The following OR51B5 variants were observed in gnomAD, a reference collection of about 807,000 sequenced individuals.
The protein encoded by OR51B5 is olfactory receptor 51B5.
For synonymous variants in OR51B5, 186 were observed against 144.8 expected, an observed-to-expected ratio of 1.28 and a Z score of -2.04; for missense variants, 456 against 374.6, an observed-to-expected ratio of 1.22 and a Z score of -1.79.
At chr11:5,357,177 G>T (rs372293763) in intron 1 of OR51B5, among the ~76,000 whole-genome samples, 108 of 151,958 alleles carry the variant, frequency 7.1e-4, no homozygotes, top group Admixed American at 4.2e-3. Context: ...AGACACAGAC[G>T]GGCAAATTAG....
chr11:5,435,497 CTG>C (rs1431974552), intron 1 of OR51B5, among the ~76,000 whole-genome samples: 1 of 93,624 alleles, frequency 1.1e-5, no homozygotes, highest in East Asian at 2.5e-4. Context: ...ATGATATTGA[CTG>C]TTTTTGTTTG....
At chr11:5,484,491 C>A (rs77094111) in intron 1 of OR51B5, among the ~76,000 whole-genome samples, 4,682 of 152,214 alleles carry the variant, frequency 0.031, 227 homozygotes, top group African/African-American at 0.11. Context: ...TAGACTCTGT[C>A]GTCCAAGCTT....
At chr11:5,399,639 A>G (rs780758631) in intron 1 of OR51B5, among the ~76,000 whole-genome samples, 8 of 152,184 alleles carry the variant, frequency 5.3e-5, no homozygotes, top group Non-Finnish European at 8.8e-5. Context: ...GTAACCTTTC[A>G]AGCTAAAATG....
At chr11:5,353,698 A>T (rs1245556602) in intron 1 of OR51B5, among the ~76,000 whole-genome samples, 1 of 152,210 alleles carries the variant, frequency 6.6e-6, no homozygotes, top group Non-Finnish European at 1.5e-5. Flanking sequence ...ACAGGGTATG[A>T]TGTGCTTGGA....
At chr11:5,477,755 G>A (rs454814) in intron 1 of OR51B5, among the ~76,000 whole-genome samples, 17,682 of 152,074 alleles carry the variant, frequency 0.12, 1,107 homozygotes, top group East Asian at 0.21. Flanking sequence ...GGTGACGGAC[G>A]CACCTGGAAA....
upstream of OR51B5, among the ~76,000 whole-genome samples, chr11:5,344,204 AAT>A (rs1179980462): frequency 6.6e-6 from 1 of 152,206 alleles, no homozygotes. Context: ...TACTTGTGAC[AAT>A]AGCTCAGTCT....
chr11:5,418,535 A>G (rs1011203888), intron 1 of OR51B5, among the ~76,000 whole-genome samples: 1 of 152,106 alleles, frequency 6.6e-6, no homozygotes, highest in Non-Finnish European at 1.5e-5. Flanking sequence ...TACACCATGG[A>G]ATACTACGCC....
chr11:5,457,938 C>G (rs1303349657), intron 1 of OR51B5, among the ~76,000 whole-genome samples: 1 of 152,140 alleles, frequency 6.6e-6, no homozygotes, highest in East Asian at 1.9e-4. Flanking sequence ...TTGATAGCTT[C>G]TTTTGCTGTG....
intron 1 of OR51B5, among the ~76,000 whole-genome samples, chr11:5,485,143 A>G (rs1221928482): frequency 2.6e-5 from 4 of 152,318 alleles, no homozygotes; most frequent in Admixed American, 1.3e-4. Context: ...GATGGAAGGT[A>G]GATCTCTGCT....
chr11:5,378,167 A>G (rs566082309), intron 1 of OR51B5, among the ~76,000 whole-genome samples: 10 of 152,052 alleles, frequency 6.6e-5, no homozygotes, highest in African/African-American at 1.7e-4. Flanking sequence ...CATATCTACA[A>G]CTATCTGATC....
intron 1 of OR51B5, among the ~76,000 whole-genome samples, chr11:5,478,286 T>C (rs1311809996): frequency 3.3e-4 from 50 of 151,858 alleles, no homozygotes; most frequent in East Asian, 2.1e-3. Context: ...TCCAACAGAC[T>C]TGCAGCTGAG....
intron 1 of OR51B5, among the ~76,000 whole-genome samples, chr11:5,412,831 G>A (rs1850171021): frequency 6.6e-6 from 1 of 151,784 alleles, no homozygotes; most frequent in African/African-American, 2.4e-5. Context: ...AAGGAGGCCT[G>A]CCTGCCTCTG....
At chr11:5,380,354 G>T (rs940002445) in intron 1 of OR51B5, among the ~76,000 whole-genome samples, 4 of 152,164 alleles carry the variant, frequency 2.6e-5, no homozygotes, top group African/African-American at 9.7e-5. Flanking sequence ...CAGTCCAGAA[G>T]ACCCTTTTGG....
intron 1 of OR51B5, among the ~76,000 whole-genome samples, chr11:5,356,977 C>T (rs1849203739): frequency 6.6e-6 from 1 of 151,892 alleles, no homozygotes; most frequent in Non-Finnish European, 1.5e-5. Flanking sequence ...CTGAAGGAAG[C>T]ACTAAATATG....
intron 1 of OR51B5, among the ~76,000 whole-genome samples, chr11:5,354,019 T>C (rs1310923269): frequency 6.6e-6 from 1 of 152,210 alleles, no homozygotes; most frequent in Non-Finnish European, 1.5e-5. Context: ...TGCTCGAGGA[T>C]GGTAAATATA....
chr11:5,356,226 G>GA (rs1455860627), intron 1 of OR51B5, among the ~76,000 whole-genome samples: 2 of 152,040 alleles, frequency 1.3e-5, no homozygotes, highest in East Asian at 1.9e-4. Context: ...TAAAAACCTT[G>GA]AAAATAAATT....
intron 1 of OR51B5, among the ~76,000 whole-genome samples, chr11:5,473,224 A>T (rs919766563): frequency 6.6e-6 from 1 of 152,230 alleles, no homozygotes; most frequent in Non-Finnish European, 1.5e-5. Context: ...GCCAGAAAAA[A>T]AATCTTGAAT....
chr11:5,358,762 A>C (rs558136907), intron 1 of OR51B5, among the ~76,000 whole-genome samples: 1 of 152,170 alleles, frequency 6.6e-6, no homozygotes, highest in Non-Finnish European at 1.5e-5. Context: ...CTGGCAAAGC[A>C]AATCCAGCAG....
chr11:5,495,923 C>T (rs445316), intron 1 of OR51B5, among the ~76,000 whole-genome samples: 150,371 of 152,274 alleles, frequency 0.99, 74,278 homozygotes, highest in East Asian at 1. Context: ...CAAAATACAG[C>T]GTAGCAGGGT....
Sources: allele counts gnomAD v4.1 joint callset (sites outside exome capture counted in the v4.1 genomes callset), GRCh38; gene constraint gnomAD v4.1.1; transcripts MANE v1.5; gene names NCBI Gene and HGNC (gene_info 2026-07-23, HGNC 2026-07-21).